Variants in DAB1 observed in about 807,000 individuals in gnomAD.
DAB1 encodes disabled homolog 1.
A neutral mutation model predicts 64.6 loss-of-function variants in DAB1; 15 were observed. The observed-to-expected ratio is 0.23, with a 90% CI of 0.16 to 0.36. The LOEUF is 0.36. DAB1 is among the 10% of genes least tolerant of loss of function. The pLI, the probability that DAB1 is intolerant of heterozygous loss-of-function variation, is 1.00. For missense variants in DAB1, 596 were observed against 706.7 expected, an observed-to-expected ratio of 0.84 and a Z score of 1.78; for synonymous variants, 235 against 251.9, an observed-to-expected ratio of 0.93 and a Z score of 0.64.
chr1:57,816,577 T>C (rs146454611), intron 6 of DAB1, among the ~76,000 whole-genome samples: 2 of 152,324 alleles, frequency 1.3e-5, no homozygotes, highest in African/African-American at 4.8e-5. Context: ...GCTACTCCCA[T>C]AGACTTTGCT....
chr1:57,768,951 A>G (rs1234527111), intron 6 of DAB1, among the ~76,000 whole-genome samples: 1 of 152,098 alleles, frequency 6.6e-6, no homozygotes, highest in Non-Finnish European at 1.5e-5. Context: ...CCACACCCCC[A>G]ACCAGATTTC....
intron 3 of DAB1, among the ~76,000 whole-genome samples, chr1:58,391,689 A>G (rs1644477053): frequency 6.6e-6 from 1 of 152,124 alleles, no homozygotes; most frequent in African/African-American, 2.4e-5. Context: ...CCTAGTTCCT[A>G]TGTCTTCATA....
At chr1:57,659,713 C>T (rs1198703449) in intron 6 of DAB1, among the ~76,000 whole-genome samples, 2 of 152,024 alleles carry the variant, frequency 1.3e-5, no homozygotes, top group African/African-American at 4.8e-5. Flanking sequence ...TGGTGGCTCA[C>T]ATCTGTAATC....
chr1:57,786,746 G>T (rs970343265), intron 6 of DAB1, among the ~76,000 whole-genome samples: 2 of 152,100 alleles, frequency 1.3e-5, no homozygotes, highest in African/African-American at 4.8e-5. Flanking sequence ...TAGAATATAG[G>T]CTCTTGAAAA....
At chr1:58,236,026 C>T (rs1252147813) in intron 4 of DAB1, among the ~76,000 whole-genome samples, 1 of 152,210 alleles carries the variant, frequency 6.6e-6, no homozygotes, top group Non-Finnish European at 1.5e-5. Context: ...GACCACCTGT[C>T]GGTCAGGGGC....
intron 1 of DAB1, chr1:58,534,201 A>G (rs755799148): frequency 2.3e-6 from 2 of 872,022 alleles, no homozygotes; most frequent in South Asian, 2.6e-5. Flanking sequence ...AACCACATGA[A>G]TAACCCAATT....
At chr1:57,035,132 C>T (rs538973693) in intron 9 of DAB1, among the ~76,000 whole-genome samples, 4 of 152,246 alleles carry the variant, frequency 2.6e-5, no homozygotes, top group African/African-American at 9.6e-5. Flanking sequence ...CAATATTAGT[C>T]TAAGTGATCC....
intron 3 of DAB1, among the ~76,000 whole-genome samples, chr1:58,502,071 G>C (rs769994286): frequency 6.6e-6 from 1 of 152,074 alleles, no homozygotes; most frequent in Admixed American, 6.6e-5. Flanking sequence ...AATACTTGTT[G>C]AATGCATAAA....
At chr1:58,459,336 T>C (rs1224872881) in intron 3 of DAB1, among the ~76,000 whole-genome samples, 2 of 152,192 alleles carry the variant, frequency 1.3e-5, no homozygotes, top group Non-Finnish European at 2.9e-5. Context: ...TCTTGCAAGG[T>C]TGCAAAATAA....
chr1:58,101,598 C>T (rs903785449), intron 5 of DAB1, among the ~76,000 whole-genome samples: 1 of 152,184 alleles, frequency 6.6e-6, no homozygotes, highest in Admixed American at 6.5e-5. Flanking sequence ...GAGTGCCTGG[C>T]ACATATTAAG....
chr1:58,540,746 G>C lies in DAB1; in HGVS notation n.32+5957C>G, dbSNP rs1295287947. ...AAGGCACAGGGCATCAATGAGGTAT[G>C]CAATAACTTCAAGTGGCCTAATATT... On this transcript the variant is annotated intron_variant and non_coding_transcript_variant, in intron 1 of 20. Transcript: ENST00000485760. Among the ~76,000 whole-genome samples the C allele has an allele frequency of 2.0e-5, 3 of 151,728 alleles. No homozygotes were observed. The East Asian group carries it at 5.8e-4, about 29-fold the overall frequency.
At chr1:57,026,505 G>T (rs578028863) in intron 9 of DAB1, among the ~76,000 whole-genome samples, 1 of 152,190 alleles carries the variant, frequency 6.6e-6, no homozygotes, top group African/African-American at 2.4e-5. Context: ...TTCACCCTGA[G>T]AGGTAGGAAT....
chr1:57,437,432 A>G (rs947363689), intron 7 of DAB1, among the ~76,000 whole-genome samples: 1 of 152,200 alleles, frequency 6.6e-6, no homozygotes, highest in African/African-American at 2.4e-5. Context: ...AAAGAATGTA[A>G]TTGCTCATTG....
chr1:57,020,826 GA>G (rs1407154436), intron 11 of DAB1, among the ~76,000 whole-genome samples: 2 of 152,182 alleles, frequency 1.3e-5, no homozygotes, highest in African/African-American at 4.8e-5. Flanking sequence ...TTATAAAGAT[GA>G]AGAAACTCTG....
intron 4 of DAB1, among the ~76,000 whole-genome samples, chr1:58,210,974 G>C (rs1658524648): frequency 6.6e-6 from 1 of 152,140 alleles, no homozygotes; most frequent in African/African-American, 2.4e-5. Context: ...AAAGTTGGGG[G>C]AAGAGAGCAT....
intron 5 of DAB1, among the ~76,000 whole-genome samples, chr1:57,946,910 A>C (rs183536462): frequency 6.6e-6 from 1 of 152,234 alleles, no homozygotes; most frequent in Admixed American, 6.5e-5. Context: ...CAGCATTTAC[A>C]TGCAGAGAAA....
chr1:57,384,945 G>A (rs1355897712), intron 1 of DAB1, among the ~76,000 whole-genome samples: 1 of 152,202 alleles, frequency 6.6e-6, no homozygotes, highest in Non-Finnish European at 1.5e-5. Flanking sequence ...CAGTAAGGAT[G>A]TACACGTAGG....
At chr1:58,446,842 C>G (rs1645073156) in intron 3 of DAB1, among the ~76,000 whole-genome samples, 1 of 152,218 alleles carries the variant, frequency 6.6e-6, no homozygotes, top group Non-Finnish European at 1.5e-5. Context: ...CATACTTTCT[C>G]CCTCCAAGGC....
chr1:57,646,573 T>A (rs1304275774), intron 7 of DAB1, among the ~76,000 whole-genome samples: 2 of 151,988 alleles, frequency 1.3e-5, no homozygotes, highest in African/African-American at 4.8e-5. Context: ...CATAGCAAGA[T>A]CCTATCTCTA....
Sources: gnomAD v4.1 joint callset for allele counts (sites outside exome capture counted in the v4.1 genomes callset) on GRCh38, gnomAD v4.1.1 for gene constraint, MANE v1.5 for transcripts, NCBI Gene and HGNC (gene_info 2026-07-23, HGNC 2026-07-21) for gene names.